USH2A: variants seen among roughly 807,000 people sequenced by gnomAD.
USH2A encodes usherin, also known as Usher syndrome 2A (autosomal recessive, mild).
A neutral mutation model predicts 538.9 loss-of-function variants in USH2A; 443 were observed. The ratio of observed to expected loss-of-function variants is 0.82; its 90% confidence interval spans 0.76 to 0.89. USH2A has a LOEUF of 0.89. USH2A is among the 40% of genes least tolerant of loss of function. The pLI is 0.00. For missense variants in USH2A, 6,633 were observed against 6,324.8 expected (o/e 1.05, Z -1.65); for synonymous variants, 2,413 against 2,273.5 (o/e 1.06, Z -1.75).
chr1:215,647,762 C>T lies in USH2A; in HGVS notation c.14583-32G>A, dbSNP rs111732521. ...TGAGAATGGATACGTAGAGTCAAGA[C>T]GGGTAATGGAATTAGTTTAACTCTC... On this transcript the variant is annotated intron_variant, in intron 66 of 71. Transcript: ENST00000307340. The T allele has an allele frequency of 1.2e-4, 190 of 1,609,564 alleles. 2 individuals carry two copies. In the African/African-American group the frequency reaches 1.2e-3, roughly 11 times the overall value.
chr1:216,205,561 C>T (rs372863647), intron 16 of USH2A, among the ~76,000 whole-genome samples: 9 of 152,228 alleles, frequency 5.9e-5, no homozygotes, highest in African/African-American at 1.2e-4. Flanking sequence ...AAACTCTATG[C>T]GATGCAGGAG....
chr1:216,209,157 A>T (rs771579946), intron 15 of USH2A, among the ~76,000 whole-genome samples: 5 of 152,174 alleles, frequency 3.3e-5, no homozygotes, highest in Non-Finnish European at 7.4e-5. Context: ...TCTGCACACT[A>T]TCTCTAGCTT....
intron 61 of USH2A, among the ~76,000 whole-genome samples, chr1:215,712,620 G>T (rs575493014): frequency 6.6e-6 from 1 of 151,772 alleles, no homozygotes; most frequent in Admixed American, 6.5e-5. Context: ...TGGCCTCTTG[G>T]CTGGCCTTGT....
At chr1:215,738,002 T>G (rs1311923333) in intron 60 of USH2A, among the ~76,000 whole-genome samples, 1 of 152,090 alleles carries the variant, frequency 6.6e-6, no homozygotes, top group East Asian at 1.9e-4. Flanking sequence ...TGCACATTGA[T>G]CAAATCTTTT....
chr1:216,195,125 C>T (rs2034809516), intron 19 of USH2A, among the ~76,000 whole-genome samples: 1 of 152,104 alleles, frequency 6.6e-6, no homozygotes, highest in Admixed American at 6.6e-5. Context: ...ACCAAATAGC[C>T]ATGCAGCTAG....
chr1:216,274,385 ATATC>A (rs1426645004), intron 11 of USH2A, among the ~76,000 whole-genome samples: 2 of 152,100 alleles, frequency 1.3e-5, no homozygotes, highest in African/African-American at 4.8e-5. Flanking sequence ...CAAAAAATCT[ATATC>A]TATATTTATT....
At chr1:216,247,954 T>C (rs1371123397) in intron 12 of USH2A, among the ~76,000 whole-genome samples, 2 of 152,166 alleles carry the variant, frequency 1.3e-5, no homozygotes, top group East Asian at 1.9e-4. Context: ...CTGATAACTA[T>C]TTTTGTGAAA....
At chr1:216,098,035 CCAG>C (rs1257160240) in intron 21 of USH2A, among the ~76,000 whole-genome samples, 8 of 149,196 alleles carry the variant, frequency 5.4e-5, no homozygotes, top group Non-Finnish European at 1.2e-4. Context: ...GGCCCCATCT[CCAG>C]TCCTATGAAT....
rs769499211 is a variant in USH2A, at chr1:216,247,220, C to G, written c.2174G>C (p.Arg725Thr). The G allele has an allele frequency of 1.2e-6, 2 of 1,613,712 alleles. No individual in the cohort carries two copies. The highest frequency in any genetic ancestry group is 2.7e-5 in the African/African-American group (2 of 74,868). The stretch of plus-strand genomic sequence containing the variant: ...AAATCCAAAATTGCAATGATCACAC[C>G]TAAGCCCTAAAGATAAAATATATTT... The part of the protein sequence containing the change: ...CKCKANVIGL[R>T]CDHCNFGFKF... Residue 725 changes from arginine (R) to threonine (T), a missense_variant, in exon 13 of 72, where the codon AGG (arginine) becomes ACG (threonine). By Grantham distance (71) the Arg-to-Thr change is moderately conservative. Coordinates refer to ENST00000307340, the MANE Select transcript of USH2A (RefSeq NM_206933.4).
At chr1:216,369,624 T>C (rs934992216) in intron 3 of USH2A, among the ~76,000 whole-genome samples, 2 of 152,112 alleles carry the variant, frequency 1.3e-5, no homozygotes, top group Non-Finnish European at 2.9e-5. Flanking sequence ...ATTAAAAAGC[T>C]AGTATGGGCC....
intron 4 of USH2A, among the ~76,000 whole-genome samples, chr1:216,354,790 GT>G (rs1558051501): frequency 2.6e-5 from 4 of 151,768 alleles, no homozygotes. Context: ...TCTAACTAGA[GT>G]CTTATTACAG....
chr1:215,782,601 A>T, intron 53 of USH2A, 137 bp downstream of exon 53: 1 of 950,628 alleles, frequency 1.1e-6, no homozygotes, highest in Non-Finnish European at 1.6e-6. Context: ...GTTGTCACAT[A>T]ATTACAGTTC....
In USH2A at chr1:216,009,375, G is replaced by A. The variant is rs564907250; in HGVS notation, c.6326-8813C>T. Reference sequence around the variant, plus strand: ...GTGTCTTATTTTCTTCTGCAATACCGCTTGACCACAATACAAACTCAACAG... The same window carrying A: ...GTGTCTTATTTTCTTCTGCAATACCACTTGACCACAATACAAACTCAACAG... On this transcript the variant is annotated intron_variant, in intron 32 of 71. Coordinates refer to ENST00000307340, the MANE Select transcript of USH2A (RefSeq NM_206933.4). Among the ~76,000 whole-genome samples, 12 of 152,052 alleles carry A rather than the reference G, an allele frequency of 7.9e-5. No homozygotes were observed. In the East Asian group the frequency reaches 9.7e-4, roughly 12 times the overall value.
chr1:216,127,302 A>T (rs1354612370), intron 21 of USH2A, among the ~76,000 whole-genome samples: 1 of 152,226 alleles, frequency 6.6e-6, no homozygotes, highest in Non-Finnish European at 1.5e-5. Context: ...TGACTGAGAT[A>T]CAGAGGAATG....
At chr1:215,846,889 T>C (rs1663865185) in intron 44 of USH2A, among the ~76,000 whole-genome samples, 1 of 152,308 alleles carries the variant, frequency 6.6e-6, no homozygotes, top group Non-Finnish European at 1.5e-5. Context: ...TTTATATACA[T>C]TGTCAATGTA....
intron 47 of USH2A, 127 bp downstream of exon 47, chr1:215,837,864 T>G: frequency 1.3e-6 from 1 of 785,190 alleles, no homozygotes; most frequent in Non-Finnish European, 2.2e-6. Flanking sequence ...ATCAAAAATT[T>G]GATTTACACA....
intron 34 of USH2A, among the ~76,000 whole-genome samples, chr1:215,998,335 TA>T (rs1248305993): frequency 6.6e-6 from 1 of 152,090 alleles, no homozygotes; most frequent in Admixed American, 6.6e-5. Context: ...TTTTTGCATT[TA>T]AAAAATGCTA....
chr1:215,650,551 TAA>T, intron 65 of USH2A, 39 bp downstream of exon 65: 1 of 1,611,620 alleles, frequency 6.2e-7, no homozygotes, highest in Non-Finnish European at 8.5e-7. Context: ...TAATGATTTT[TAA>T]AAGTCAACCA....
intron 21 of USH2A, among the ~76,000 whole-genome samples, chr1:216,102,315 C>T (rs150744851): frequency 9.1e-4 from 137 of 150,812 alleles, no homozygotes; most frequent in Middle Eastern, 3.5e-3. Context: ...CAAATATGTG[C>T]AACTACTGTA....
Sources: gnomAD v4.1 joint callset for allele counts (sites outside exome capture counted in the v4.1 genomes callset) on GRCh38, gnomAD v4.1.1 for gene constraint, MANE v1.5 for transcripts, NCBI Gene and HGNC (gene_info 2026-07-23, HGNC 2026-07-21) for gene names.